Variants in PDE3B observed in about 807,000 individuals in gnomAD.
The protein encoded by PDE3B is phosphodiesterase 3B.
A neutral mutation model predicts 116.8 loss-of-function variants in PDE3B; 66 were observed. The observed-to-expected ratio is 0.56, with a 90% confidence interval of 0.46 to 0.69. PDE3B has a LOEUF of 0.69. Among genes scored for constraint, PDE3B ranks in the 30% least tolerant of loss-of-function variants. PDE3B has a pLI of 0.00. For missense variants in PDE3B, 1,384 were observed against 1,368.1 expected (o/e 1.01, Z -0.18); for synonymous variants, 595 against 533.6 (o/e 1.12, Z -1.59).
intron 2 of PDE3B, chr11:14,775,341 A>G (rs898780431): frequency 2.6e-5 from 4 of 152,070 alleles, no homozygotes; most frequent in African/African-American, 9.7e-5. Context: ...ACTTTTATTT[A>G]TGCTGTGTCC....
intron 1 of PDE3B, among the ~76,000 whole-genome samples, chr11:14,681,986 A>G (rs183016671): frequency 1.3e-3 from 202 of 152,324 alleles, no homozygotes; most frequent in African/African-American, 4.7e-3. Context: ...CAATTAGCAC[A>G]TATTTTTATG....
chr11:14,794,401 C>T (rs1858486656), intron 4 of PDE3B, among the ~76,000 whole-genome samples: 1 of 151,288 alleles, frequency 6.6e-6, no homozygotes, highest in African/African-American at 2.4e-5. Context: ...ACTGCAGTCT[C>T]TGCCTCCTGG....
At chr11:14,883,615 T>C in the PDE3B span, among the ~76,000 whole-genome samples, 3 of 152,094 alleles carry the variant, frequency 2.0e-5, no homozygotes, top group East Asian at 3.9e-4. Context: ...ATTCAGGAGA[T>C]AGGCATGGGC....
intron 1 of PDE3B, among the ~76,000 whole-genome samples, chr11:14,696,250 C>G (rs572751025): frequency 1.3e-5 from 2 of 152,242 alleles, no homozygotes; most frequent in East Asian, 1.9e-4. Context: ...TTGCATTTCT[C>G]TAATGATCAG....
intron 4 of PDE3B, among the ~76,000 whole-genome samples, chr11:14,790,842 A>G (rs149189418): frequency 1.3e-5 from 2 of 152,210 alleles, no homozygotes; most frequent in African/African-American, 4.8e-5. Context: ...TACTTTGCAC[A>G]TAGGTGGGTT....
In PDE3B at chr11:14,688,136, TCTCTCTCC is replaced by T. The variant is rs1326681711; in HGVS notation, c.978+43087_978+43094del. On this transcript the variant is annotated intron_variant, in intron 1 of 15. Coordinates refer to ENST00000282096, the MANE Select transcript of PDE3B (RefSeq NM_000922.4). ...CTTTCTCTCTCTCTCTCTCTCTCTC[TCTCTCTCC>T]CTCCCTCCCTCCATCCCTCTCTCTC... Among the ~76,000 whole-genome samples, 263 of 136,936 alleles carry T rather than the reference TCTCTCTCC, an allele frequency of 1.9e-3. 1 individual carries two copies. The highest frequency in any genetic ancestry group is 3.6e-3 in the Middle Eastern group (1 of 276). 89.8% of individuals were successfully genotyped at this position (136,936 alleles called of 152,430 possible). A position where few individuals can be genotyped will look rare whatever the true frequency, so the allele number is the denominator to read the frequency against.
chr11:14,895,670 A>G, the PDE3B span, among the ~76,000 whole-genome samples: 1 of 152,214 alleles, frequency 6.6e-6, no homozygotes, highest in Non-Finnish European at 1.5e-5. Flanking sequence ...TAGGAACCTT[A>G]TGAAAGTCTC....
intron 11 of PDE3B, among the ~76,000 whole-genome samples, chr11:14,836,052 T>G (rs1465079575): frequency 6.6e-6 from 1 of 152,238 alleles, no homozygotes; most frequent in African/African-American, 2.4e-5. Flanking sequence ...TAGTTGAGTC[T>G]AAAGTATGCA....
chr11:14,749,215 CTT>C (rs1160668178), intron 1 of PDE3B, among the ~76,000 whole-genome samples: 4 of 151,444 alleles, frequency 2.6e-5, no homozygotes, highest in Admixed American at 2.6e-4. Context: ...TTGTATAAAA[CTT>C]TTTTTTTAAA....
intron 1 of PDE3B, among the ~76,000 whole-genome samples, chr11:14,695,073 A>G (rs1855162930): frequency 6.6e-6 from 1 of 152,192 alleles, no homozygotes; most frequent in African/African-American, 2.4e-5. Flanking sequence ...TTCTGTAGGT[A>G]TCCACTGTTC....
intron 7 of PDE3B, among the ~76,000 whole-genome samples, chr11:14,820,864 T>C (rs573438845): frequency 6.6e-6 from 1 of 152,302 alleles, no homozygotes; most frequent in African/African-American, 2.4e-5. Context: ...GAGAAATAAA[T>C]TCCTATTTTT....
At chr11:14,899,087 AT>A in the PDE3B span, among the ~76,000 whole-genome samples, 3 of 152,120 alleles carry the variant, frequency 2.0e-5, no homozygotes, top group Non-Finnish European at 1.5e-5. Context: ...TAATGCTGCC[AT>A]TTTCTGAACA....
At chr11:14,669,917 T>G (rs1156658864) in intron 1 of PDE3B, among the ~76,000 whole-genome samples, 2 of 152,112 alleles carry the variant, frequency 1.3e-5, no homozygotes, top group Non-Finnish European at 1.5e-5. Flanking sequence ...AAAGCATAGG[T>G]TAGTATTTGT....
chr11:14,672,081 A>C (rs755748004), intron 1 of PDE3B, among the ~76,000 whole-genome samples: 1 of 148,144 alleles, frequency 6.8e-6, no homozygotes, highest in Non-Finnish European at 1.5e-5. Flanking sequence ...TATAGTGTTT[A>C]CCAGATACTA....
chr11:14,773,153 T>C (rs1431158414), intron 2 of PDE3B: 2 of 152,022 alleles, frequency 1.3e-5, no homozygotes, highest in Non-Finnish European at 2.9e-5. Context: ...AAGGACTTTT[T>C]TTCTCTTAAG....
At chr11:14,675,020 G>T (rs1854489000) in intron 1 of PDE3B, among the ~76,000 whole-genome samples, 1 of 152,174 alleles carries the variant, frequency 6.6e-6, no homozygotes, top group Non-Finnish European at 1.5e-5. Flanking sequence ...GGATACGGAT[G>T]TATAATATTT....
intron 7 of PDE3B, among the ~76,000 whole-genome samples, chr11:14,822,074 AT>A (rs1565152469): frequency 6.6e-6 from 1 of 151,392 alleles, no homozygotes; most frequent in East Asian, 1.9e-4. Flanking sequence ...AATTAAAAAA[AT>A]TTTTTTTTGT....
intron 5 of PDE3B, among the ~76,000 whole-genome samples, chr11:14,808,587 G>A (rs2133939635): frequency 6.6e-6 from 1 of 152,240 alleles, no homozygotes; most frequent in South Asian, 2.1e-4. Flanking sequence ...AGGAATAAAA[G>A]GAAAAAGTAA....
intron 5 of PDE3B, among the ~76,000 whole-genome samples, chr11:14,807,275 G>C (rs558470207): frequency 1.3e-5 from 2 of 151,998 alleles, no homozygotes; most frequent in South Asian, 4.2e-4. Flanking sequence ...AAAAATTGAT[G>C]GGTAAACACA....
Sources: gnomAD v4.1 joint callset for allele counts (sites outside exome capture counted in the v4.1 genomes callset) on GRCh38, gnomAD v4.1.1 for gene constraint, MANE v1.5 for transcripts, NCBI Gene and HGNC (gene_info 2026-07-23, HGNC 2026-07-21) for gene names.